HMGN5: variants seen among roughly 807,000 people sequenced by gnomAD.
HMGN5 encodes the protein high mobility group nucleosome binding domain 5.
In HMGN5, 4 loss-of-function variants were observed where a neutral mutation model predicts 9.5. That is an observed-to-expected ratio of 0.42 (90% CI 0.21 to 0.96). The LOEUF (loss-of-function observed/expected upper bound fraction) is 0.96, where lower values mean the gene tolerates loss of function less well. Among genes scored for constraint, HMGN5 ranks in the 40% least tolerant of loss-of-function variants. The pLI, the probability that HMGN5 is intolerant of heterozygous loss-of-function variation, is 0.30. For missense variants in HMGN5, 192 were observed against 187.5 expected, an observed-to-expected ratio of 1.02 and a Z score of -0.14; for synonymous variants, 55 against 57.1, an observed-to-expected ratio of 0.96 and a Z score of 0.16.
chrX:81,121,558 C>T lies in HMGN5; in HGVS notation c.-9G>A. On this transcript the variant is annotated 5_prime_UTR_variant, in exon 2 of 7. Transcript: ENST00000358130. ...ACCTTTCTTTTGGGCATTGTTGTAG[C>T]TCTCTATAGGAGATCTTAGTCAGCA... 1 of 1,195,135 alleles carries T rather than the reference C, an allele frequency of 8.4e-7. No individual in the cohort carries two copies. Among genetic ancestry groups the T allele is most frequent in the Non-Finnish European group, 1.1e-6 (1 of 886,269 alleles).
intron 1 of HMGN5, among the ~76,000 whole-genome samples, chrX:81,183,649 G>T (rs1029474717): frequency 8.8e-6 from 1 of 113,011 alleles, no homozygotes; most frequent in South Asian, 3.6e-4. Context: ...TGCTGCAGGG[G>T]TGGAGCCCTC....
chrX:81,142,526 A>AT (rs1020747602), intron 1 of HMGN5, among the ~76,000 whole-genome samples: 44 of 111,881 alleles, frequency 3.9e-4, no homozygotes, highest in African/African-American at 1.4e-3. Flanking sequence ...CTTGCAGCAG[A>AT]TTTTTCAGTG....
At chrX:81,179,568 G>GA (rs1425268498) in intron 1 of HMGN5, among the ~76,000 whole-genome samples, 1 of 111,564 alleles carries the variant, frequency 9.0e-6, no homozygotes, top group Non-Finnish European at 1.9e-5. Flanking sequence ...CAAACAAATG[G>GA]AAAAACATTC....
chrX:81,115,155 T>C lies in HMGN5; in HGVS notation c.343A>G (p.Lys115Glu). The C allele has an allele frequency of 8.5e-7, 1 of 1,171,674 alleles. No homozygotes were observed. The highest frequency in any genetic ancestry group is 2.0e-5 in the South Asian group (1 of 50,865). ...IEDATEKGGE[K>E]KEAVAAEVKN... ...ACTTCTGCTGCCACTGCTTCTTTCT[T>C]TTCTCCTCCCTTTTCTGTGGCATCT... The change falls in exon 7 of 7, where the codon AAG becomes GAG. Residue 115 changes from lysine (K) to glutamate (E), a missense_variant. Transcript: ENST00000358130.
intron 1 of HMGN5, among the ~76,000 whole-genome samples, chrX:81,134,139 C>T (rs1264678103): frequency 9.0e-6 from 1 of 111,113 alleles, no homozygotes; most frequent in East Asian, 2.8e-4. Context: ...TATTACAAAA[C>T]TTTTCTAATT....
chrX:81,174,998 A>C (rs1337709301), intron 1 of HMGN5, among the ~76,000 whole-genome samples: 1 of 111,919 alleles, frequency 8.9e-6, no homozygotes, highest in East Asian at 2.8e-4. Context: ...AGATTAGTAA[A>C]TGAAACTGAT....
chrX:81,118,444 T>C lies in HMGN5; in HGVS notation c.117A>G (p.Thr39=). Residue 39 remains threonine, a synonymous_variant, in exon 5 of 7, where the codon ACA becomes ACG. Transcript: ENST00000358130. ...PVTPEVKPKR[T]SSSRKMKTKS... is the part of the protein sequence containing the mutation. ...GTTGAATATTTACCCTTGAACTTGATGTTCTTTTAGGCTTCACCTCTGGTG... is the reference window on the plus strand; with the variant it reads ...GTTGAATATTTACCCTTGAACTTGACGTTCTTTTAGGCTTCACCTCTGGTG... The C allele has an allele frequency of 6.8e-6, 8 of 1,173,523 alleles. No individual in the cohort carries two copies. The highest frequency in any genetic ancestry group is 2.3e-5 in the Admixed American group (1 of 43,338).
intron 1 of HMGN5, among the ~76,000 whole-genome samples, chrX:81,159,456 C>T (rs1292935941): frequency 1.8e-5 from 2 of 111,349 alleles, no homozygotes; most frequent in Non-Finnish European, 3.8e-5. Context: ...TCTATCAATA[C>T]GTGTAGTGCT....
At chrX:81,136,654 GAAAC>G (rs1450912792) in intron 1 of HMGN5, among the ~76,000 whole-genome samples, 1 of 111,572 alleles carries the variant, frequency 9.0e-6, no homozygotes, top group Non-Finnish European at 1.9e-5. Context: ...AGAGCCAGAG[GAAAC>G]AAACGGAAAA....
At chrX:81,167,882 T>G (rs904220985) in intron 1 of HMGN5, among the ~76,000 whole-genome samples, 4 of 112,218 alleles carry the variant, frequency 3.6e-5, no homozygotes, top group South Asian at 7.3e-4. Context: ...CTGGATTTTT[T>G]TTTTGTTTTG....
chrX:81,118,116 A>T (rs1032584837), intron 5 of HMGN5, among the ~76,000 whole-genome samples: 18 of 110,381 alleles, frequency 1.6e-4, no homozygotes, highest in African/African-American at 5.6e-4. Context: ...TGGGGTTACT[A>T]CTGTTTTCAC....
At chrX:81,184,481 T>C (rs1405729734) in intron 1 of HMGN5, among the ~76,000 whole-genome samples, 1 of 111,873 alleles carries the variant, frequency 8.9e-6, no homozygotes, top group African/African-American at 3.2e-5. Context: ...TTTATAGCAG[T>C]GTTAGAACTG....
intron 1 of HMGN5, among the ~76,000 whole-genome samples, chrX:81,165,311 GATATTTAAAATTGAACTCATT>G (rs1164758117): frequency 1.8e-5 from 2 of 110,442 alleles, no homozygotes; most frequent in Admixed American, 2.0e-4. Flanking sequence ...TCAAACTCAT[GATATTTAAAATTGAACTCATT>G]ATATTTCCCC....
At chrX:81,130,009 A>T (rs1446410468) in intron 1 of HMGN5, among the ~76,000 whole-genome samples, 1 of 111,659 alleles carries the variant, frequency 9.0e-6, no homozygotes, top group Non-Finnish European at 1.9e-5. Context: ...AGATGAAAAA[A>T]CTTTTTAAAT....
chrX:81,185,310 T>G (rs980046253), intron 1 of HMGN5, among the ~76,000 whole-genome samples: 1 of 111,945 alleles, frequency 8.9e-6, no homozygotes, highest in Non-Finnish European at 1.9e-5. Flanking sequence ...TTTATAGTTT[T>G]TATTGTAGAG....
intron 1 of HMGN5, among the ~76,000 whole-genome samples, chrX:81,149,992 C>G (rs1393723929): frequency 1.8e-5 from 2 of 111,697 alleles, no homozygotes; most frequent in Non-Finnish European, 3.8e-5. Flanking sequence ...CAGCATTGTA[C>G]AGATCTTCCA....
intron 5 of HMGN5, among the ~76,000 whole-genome samples, chrX:81,117,918 C>G (rs1209838074): frequency 2.7e-5 from 3 of 110,333 alleles, no homozygotes. Context: ...ATATCTATTT[C>G]TACATGCCTT....
intron 1 of HMGN5, among the ~76,000 whole-genome samples, chrX:81,191,973 T>C (rs1321061259): frequency 9.0e-6 from 1 of 110,940 alleles, no homozygotes; most frequent in Non-Finnish European, 1.9e-5. Flanking sequence ...GATTGTGCTC[T>C]GTTTTTTTTC....
At chrX:81,128,162 G>A (rs1189843803) in intron 1 of HMGN5, among the ~76,000 whole-genome samples, 1 of 110,224 alleles carries the variant, frequency 9.1e-6, no homozygotes, top group Non-Finnish European at 1.9e-5. Context: ...ATTTCTATCC[G>A]TTTTTTATTC....
Sources: allele counts gnomAD v4.1 joint callset (sites outside exome capture counted in the v4.1 genomes callset), GRCh38; gene constraint gnomAD v4.1.1; transcripts MANE v1.5; gene names NCBI Gene and HGNC (gene_info 2026-07-23, HGNC 2026-07-21).